CDH13: variants seen among roughly 807,000 people sequenced by gnomAD.
CDH13 encodes the protein cadherin-13.
In CDH13, 24 loss-of-function variants were observed where a neutral mutation model predicts 63.8. The observed-to-expected ratio is 0.38, with a 90% CI of 0.27 to 0.53. CDH13 has a LOEUF of 0.53. Ranked by LOEUF, CDH13 falls within the 20% of genes least tolerant of loss-of-function variation. CDH13 has a pLI of 0.85. For missense variants in CDH13, 1,049 were observed against 903.1 expected (o/e 1.16, Z -2.07); for synonymous variants, 503 against 355.3 (o/e 1.42, Z -4.67).
chr16:82,825,113 C>G (rs2038179873), intron 1 of CDH13: 1 of 152,170 alleles, frequency 6.6e-6, no homozygotes, highest in South Asian at 2.1e-4. Context: ...TCATACGAAT[C>G]TCTCCACTTT....
At chr16:83,790,638 C>T (rs1307471763) in intron 13 of CDH13, among the ~76,000 whole-genome samples, 1 of 152,120 alleles carries the variant, frequency 6.6e-6, no homozygotes, top group Admixed American at 6.5e-5. Flanking sequence ...CTCCCGACCT[C>T]GTGATCCGCC....
intron 3 of CDH13, among the ~76,000 whole-genome samples, chr16:83,077,859 C>G (rs1190674613): frequency 1.3e-5 from 2 of 152,170 alleles, no homozygotes; most frequent in Non-Finnish European, 2.9e-5. Context: ...TCCTCACAAA[C>G]ATTTGCTGTT....
At chr16:83,702,605 G>T (rs1373055070) in intron 10 of CDH13, among the ~76,000 whole-genome samples, 3 of 152,166 alleles carry the variant, frequency 2.0e-5, no homozygotes, top group Non-Finnish European at 4.4e-5. Context: ...TGTTCAAAAA[G>T]AAGATAAAAT....
chr16:82,838,708 C>G (rs9921831), intron 1 of CDH13, among the ~76,000 whole-genome samples: 48,166 of 152,034 alleles, frequency 0.32, 8,856 homozygotes, highest in East Asian at 0.8. Context: ...GTGGGGACCT[C>G]TATTTTCACC....
At chr16:83,130,755 C>A (rs2036008102) in intron 4 of CDH13, among the ~76,000 whole-genome samples, 1 of 152,170 alleles carries the variant, frequency 6.6e-6, no homozygotes, top group Non-Finnish European at 1.5e-5. Context: ...AATCATTTGT[C>A]TTGCATTTCA....
At chr16:82,858,890 T>G in intron 2 of CDH13, 1 of 194,636 alleles carries the variant, frequency 5.1e-6, no homozygotes, top group Non-Finnish European at 1.0e-5. Context: ...GAGTATGACA[T>G]TGGCTTCTGG....
At chr16:83,265,541 GTAT>G (rs1907505096) in intron 5 of CDH13, among the ~76,000 whole-genome samples, 1 of 151,804 alleles carries the variant, frequency 6.6e-6, no homozygotes, top group South Asian at 2.1e-4. Flanking sequence ...CTCTGTTGTT[GTAT>G]TATTGTTTAA....
chr16:82,668,473 T>C (rs542839801), intron 1 of CDH13, among the ~76,000 whole-genome samples: 1 of 152,292 alleles, frequency 6.6e-6, no homozygotes, highest in Non-Finnish European at 1.5e-5. Context: ...GTTATAATAT[T>C]ACCCCAAAGC....
chr16:83,450,269 C>T (rs138029518), intron 6 of CDH13, among the ~76,000 whole-genome samples: 222 of 152,300 alleles, frequency 1.5e-3, no homozygotes, highest in African/African-American at 5.1e-3. Context: ...TTAGGCTCTG[C>T]CCCTCAAAAG....
chr16:83,294,797 C>T (rs976143020), intron 5 of CDH13, among the ~76,000 whole-genome samples: 6 of 151,920 alleles, frequency 3.9e-5, no homozygotes, highest in South Asian at 2.1e-4. Flanking sequence ...TTAAAATGCC[C>T]GTACTACCCA....
intron 2 of CDH13, among the ~76,000 whole-genome samples, chr16:82,946,657 G>T (rs1904749935): frequency 6.6e-6 from 1 of 152,010 alleles, no homozygotes; most frequent in South Asian, 2.1e-4. Context: ...GGAGGTGGAG[G>T]TTGCAGTGAG....
intron 1 of CDH13, among the ~76,000 whole-genome samples, chr16:82,795,779 T>C (rs1489365830): frequency 1.3e-5 from 2 of 152,124 alleles, no homozygotes; most frequent in Admixed American, 1.3e-4. Flanking sequence ...AGTGGTGCAG[T>C]GACCCTTCTT....
intron 10 of CDH13, among the ~76,000 whole-genome samples, chr16:83,690,500 G>A (rs543504665): frequency 1.3e-5 from 2 of 152,284 alleles, no homozygotes; most frequent in East Asian, 1.9e-4. Flanking sequence ...ACAGCAAGTT[G>A]GGGGATGGTG....
At chr16:83,231,487 C>T (rs754318501) in intron 5 of CDH13, among the ~76,000 whole-genome samples, 2 of 152,142 alleles carry the variant, frequency 1.3e-5, no homozygotes, top group Non-Finnish European at 2.9e-5. Context: ...GGTAGTGAGT[C>T]CCCTCATGGT....
At chr16:83,504,407 C>G (rs2074350994) in intron 7 of CDH13, among the ~76,000 whole-genome samples, 1 of 152,192 alleles carries the variant, frequency 6.6e-6, no homozygotes, top group Non-Finnish European at 1.5e-5. Flanking sequence ...AGCAACTTTC[C>G]TATGAAAGAG....
chr16:83,692,944 A>C (rs1598490606), intron 10 of CDH13, among the ~76,000 whole-genome samples: 1 of 152,216 alleles, frequency 6.6e-6, no homozygotes, highest in East Asian at 1.9e-4. Flanking sequence ...TTAGCCAGGC[A>C]TGGCGGCATG....
At chr16:83,209,098 C>T (rs141977772) in intron 4 of CDH13, among the ~76,000 whole-genome samples, 17 of 152,186 alleles carry the variant, frequency 1.1e-4, no homozygotes, top group South Asian at 1.0e-3. Context: ...AGCGATGAGA[C>T]GAGGGGTTTT....
chr16:83,257,460 AC>A (rs1205128591), intron 5 of CDH13, among the ~76,000 whole-genome samples: 2 of 152,106 alleles, frequency 1.3e-5, no homozygotes, highest in Non-Finnish European at 2.9e-5. Flanking sequence ...TCTTTGTCCC[AC>A]CCATCTTCGT....
intron 5 of CDH13, among the ~76,000 whole-genome samples, chr16:83,247,757 C>T (rs1353167356): frequency 1.3e-5 from 2 of 152,076 alleles, no homozygotes; most frequent in East Asian, 1.9e-4. Flanking sequence ...ATTATAAATC[C>T]TTTCAGTGGA....
Sources: allele counts gnomAD v4.1 joint callset (sites outside exome capture counted in the v4.1 genomes callset), GRCh38; gene constraint gnomAD v4.1.1; transcripts MANE v1.5; gene names NCBI Gene and HGNC (gene_info 2026-07-23, HGNC 2026-07-21).